Variants in HERC2 observed in about 807,000 individuals in gnomAD.
The protein encoded by HERC2 is E3 ubiquitin-protein ligase HERC2.
HERC2 carries 102 observed loss-of-function variants against 537.7 expected under a neutral mutation model. The observed-to-expected ratio is 0.19, with a 90% CI of 0.16 to 0.22. The LOEUF is 0.22. Ranked by LOEUF, HERC2 falls within the 10% of genes least tolerant of loss-of-function variation. The pLI, the probability that HERC2 is intolerant of heterozygous loss-of-function variation, is 1.00. For missense variants in HERC2, 4,236 were observed against 6,198.2 expected (o/e 0.68, Z 10.63); for synonymous variants, 2,224 against 2,466.2 (o/e 0.90, Z 2.91).
chr15:28,164,546 T>A (rs1004664549), intron 68 of HERC2, among the ~76,000 whole-genome samples: 2 of 152,216 alleles, frequency 1.3e-5, no homozygotes, highest in African/African-American at 4.8e-5. Context: ...CATTTTTTTT[T>A]ATGAGGGTGT....
intron 2 of HERC2, among the ~76,000 whole-genome samples, chr15:28,319,366 G>A (rs537745657): frequency 2.4e-4 from 36 of 151,790 alleles, no homozygotes; most frequent in Non-Finnish European, 4.0e-4. Flanking sequence ...CAGGCAGATC[G>A]CTTTGAGGTC....
At chr15:28,279,991 C>T (rs987518107) in intron 5 of HERC2, 77 bp downstream of exon 5, 5 of 1,181,608 alleles carry the variant, frequency 4.2e-6, no homozygotes, top group Middle Eastern at 4.1e-4. Context: ...TATTGAAAAC[C>T]TTAAACTTTC....
At chr15:28,121,468 T>G in intron 85 of HERC2, 39 bp from the exon 86 acceptor site, 1 of 1,478,786 alleles carries the variant, frequency 6.8e-7, no homozygotes, top group Non-Finnish European at 9.5e-7. Flanking sequence ...GAATCTGATA[T>G]GGAAAGCATC....
chr15:28,263,711 C>T lies in HERC2; in HGVS notation c.1871-542G>A, dbSNP rs552419648. 3.9e-5 allele frequency among the ~76,000 whole-genome samples: 6 copies of T among 152,072 alleles called. No homozygotes were observed. The South Asian group carries it at 1.2e-3, about 32-fold the overall frequency. ...GGTGAAAACTAAGCTGAAAACTTTG[C>T]AAAAACTTAAAGTGAATTGCTAAAA... On this transcript the variant is annotated intron_variant, in intron 14 of 92. Transcript: ENST00000261609.
Position 28,271,953 on chromosome 15 carries a change from T to C in HERC2, c.1083+262A>G, listed in dbSNP as rs1181014114. 6 of 495,156 alleles carry C rather than the reference T, an allele frequency of 1.2e-5. 1 individual carries two copies. The South Asian group carries it at 2.0e-4, about 17-fold the overall frequency. The allele number at this position is 495,156 out of a possible 1,614,324, so 30.7% of individuals were successfully genotyped here. A position where few individuals can be genotyped will look rare whatever the true frequency, so the allele number is the denominator to read the frequency against. The stretch of plus-strand genomic sequence containing the variant: ...AGGACCAACAAAGCAGGCCGCTATT[T>C]TCGTTGTTCTTTTCTGGTATTTATT... On this transcript the variant is annotated intron_variant, in intron 9 of 92. Transcript: ENST00000261609.
chr15:28,291,742 A>G (rs1241320569), intron 4 of HERC2, among the ~76,000 whole-genome samples: 4 of 151,866 alleles, frequency 2.6e-5, no homozygotes, highest in African/African-American at 9.7e-5. Context: ...AAAAACCTCA[A>G]TTAAAAAATG....
intron 7 of HERC2, among the ~76,000 whole-genome samples, chr15:28,274,007 G>A (rs919474133): frequency 6.6e-6 from 1 of 152,164 alleles, no homozygotes; most frequent in Admixed American, 6.5e-5. Context: ...GACACACAGT[G>A]TAAGCACTCA....
chr15:28,194,808 C>T (rs1284366798), intron 52 of HERC2, among the ~76,000 whole-genome samples: 2 of 152,034 alleles, frequency 1.3e-5, no homozygotes, highest in Non-Finnish European at 2.9e-5. Context: ...GTAACCCCAG[C>T]ACTTTGGGAG....
chr15:28,276,554 GC>G (rs2075879783), intron 5 of HERC2, among the ~76,000 whole-genome samples: 1 of 152,010 alleles, frequency 6.6e-6, no homozygotes, highest in East Asian at 1.9e-4. Flanking sequence ...GGCCAACATG[GC>G]AAAACCCCAT....
chr15:28,236,230 TCTA>T (rs1055431148), intron 26 of HERC2, among the ~76,000 whole-genome samples: 2 of 152,158 alleles, frequency 1.3e-5, no homozygotes, highest in Non-Finnish European at 2.9e-5. Flanking sequence ...CACAGCTGTT[TCTA>T]CCTGATTGAG....
chr15:28,255,078 G>C (rs1006918985), intron 19 of HERC2, among the ~76,000 whole-genome samples: 1 of 152,200 alleles, frequency 6.6e-6, no homozygotes, highest in African/African-American at 2.4e-5. Flanking sequence ...GCTCATGCTT[G>C]TAATCCCAAC....
rs62008731 is a variant in HERC2 at position 28,272,131 on chromosome 15, G to A, written c.1083+84C>T. The A allele has an allele frequency of 5.6e-6, 7 of 1,240,166 alleles. No homozygotes were observed. The South Asian group carries it at 9.2e-5, about 16-fold the overall frequency. 76.8% of individuals were successfully genotyped at this position (1,240,166 alleles called of 1,614,324 possible). A position where few individuals can be genotyped will look rare whatever the true frequency, so the allele number is the denominator to read the frequency against. Reference sequence around the variant, plus strand: ...CACACACACGCCAGAGAAAAACACTGCCGTTGACATGCATGCTAGTCTTGC... The same window carrying A: ...CACACACACGCCAGAGAAAAACACTACCGTTGACATGCATGCTAGTCTTGC... On this transcript the variant is annotated intron_variant, in intron 9 of 92. Coordinates refer to ENST00000261609, the MANE Select transcript of HERC2 (RefSeq NM_004667.6).
chr15:28,191,272 T>C (rs1896830911), intron 53 of HERC2, 28 bp from the exon 54 acceptor site: 1 of 1,469,554 alleles, frequency 6.8e-7, no homozygotes, highest in Admixed American at 1.8e-5. Flanking sequence ...AACCACATTC[T>C]CAGTTAGCAA....
chr15:28,256,096 G>C lies in HERC2; in HGVS notation c.2739C>G (p.Pro913=). Residue 913 remains proline (P), a synonymous_variant, in exon 18 of 93, where the codon CCC becomes CCG. Coordinates refer to ENST00000261609, the MANE Select transcript of HERC2 (RefSeq NM_004667.6). ...TTCCTTCCCCAGGCCCACCTGCGCA[G>C]GGCAGGAGAGCAGAGAGTGCCCGGG... ...ERARALSALL[P]CAVSGNEVNI... 1.9e-6 allele frequency: 3 copies of C among 1,603,628 alleles called. No homozygotes were observed. Among genetic ancestry groups the C allele is most frequent in the South Asian group, 1.1e-5 (1 of 90,936 alleles).
chr15:28,298,801 A>G (rs1263257353), intron 3 of HERC2, among the ~76,000 whole-genome samples: 2 of 151,902 alleles, frequency 1.3e-5, no homozygotes, highest in South Asian at 4.1e-4. Context: ...TTCCCCCCCA[A>G]AAAAAAGAAG....
intron 2 of HERC2, among the ~76,000 whole-genome samples, chr15:28,312,078 T>C (rs948965266): frequency 2.6e-5 from 4 of 152,270 alleles, no homozygotes; most frequent in East Asian, 3.8e-4. Context: ...TGGAAGGACA[T>C]GCACTGTGGA....
intron 81 of HERC2, 112 bp from the exon 82 acceptor site, chr15:28,130,706 T>C (rs572397581): frequency 4.9e-6 from 4 of 818,306 alleles, no homozygotes; most frequent in South Asian, 1.4e-5. Context: ...CTTGTACCCA[T>C]GATGAATAAT....
chr15:28,161,896 G>A (rs1275611745), intron 69 of HERC2, among the ~76,000 whole-genome samples: 1 of 152,222 alleles, frequency 6.6e-6, no homozygotes. Context: ...CCAGGGAAAA[G>A]ATGAGTTATT....
In HERC2 at chr15:28,116,691, A is replaced by T; in HGVS notation, c.13583T>A (p.Val4528Glu). 1 of 1,613,272 alleles carries T rather than the reference A, an allele frequency of 6.2e-7. No homozygotes were observed. The highest frequency in any genetic ancestry group is 8.5e-7 in the Non-Finnish European group (1 of 1,179,762). ...CAGGAAGCGGAACATGCTGCTGTGC[A>T]CGGGTGCTCTGGCGGCCGGGCTGAG... ...YLLSPAARAP[V>E]HSSMFRFLGV... Residue 4528 changes from valine to glutamate, a missense_variant, in exon 88 of 93, where the codon GTG becomes GAG. Physicochemically the swap from Val to Glu is moderately radical, Grantham distance 121. Transcript: ENST00000261609.
Sources: gnomAD v4.1 joint callset for allele counts (sites outside exome capture counted in the v4.1 genomes callset) on GRCh38, gnomAD v4.1.1 for gene constraint, MANE v1.5 for transcripts, NCBI Gene and HGNC (gene_info 2026-07-23, HGNC 2026-07-21) for gene names.